GALNT13: variants seen among roughly 807,000 people sequenced by gnomAD.
GALNT13 encodes UDP-GalNAc:polypeptide N-acetylgalactosaminyltransferase 13.
Under a neutral mutation model 64.2 loss-of-function variants are expected in GALNT13, and 28 were observed. The ratio of observed to expected loss-of-function variants is 0.44; its 90% confidence interval spans 0.32 to 0.60. The LOEUF (loss-of-function observed/expected upper bound fraction) is 0.60, where lower values mean the gene tolerates loss of function less well. Among genes scored for constraint, GALNT13 ranks in the 20% least tolerant of loss-of-function variants. GALNT13 has a pLI of 0.05. For synonymous variants in GALNT13, 214 were observed against 224.6 expected (o/e 0.95, Z 0.42); for missense variants, 577 against 669.8 (o/e 0.86, Z 1.53).
chr2:154,154,060 A>C (rs1449319736), intron 4 of GALNT13, among the ~76,000 whole-genome samples: 1 of 152,242 alleles, frequency 6.6e-6, no homozygotes, highest in Non-Finnish European at 1.5e-5. Flanking sequence ...AGCTGTTCCT[A>C]TTCGGCCATC....
the GALNT13 span, among the ~76,000 whole-genome samples, chr2:153,454,296 A>T: frequency 1.1e-4 from 16 of 152,206 alleles, no homozygotes; most frequent in Admixed American, 9.8e-4. Flanking sequence ...ACTGTCTTAT[A>T]GTCTTAACTT....
chr2:154,290,776 C>A (rs966302815), intron 8 of GALNT13, among the ~76,000 whole-genome samples: 6 of 152,080 alleles, frequency 3.9e-5, no homozygotes, highest in Admixed American at 3.3e-4. Flanking sequence ...GGAGTTTATT[C>A]CTTCTGATGT....
intron 4 of GALNT13, among the ~76,000 whole-genome samples, chr2:154,168,186 T>C (rs770051892): frequency 6.6e-6 from 1 of 152,038 alleles, no homozygotes; most frequent in Non-Finnish European, 1.5e-5. Flanking sequence ...GAGAGATTTA[T>C]TTTAAGGAAT....
intron 8 of GALNT13, among the ~76,000 whole-genome samples, chr2:154,270,694 ATT>A (rs1559059753): frequency 3.6e-4 from 55 of 152,058 alleles, no homozygotes; most frequent in African/African-American, 1.3e-3. Context: ...AGTAAATAAA[ATT>A]GCACTGAACC....
At chr2:153,972,895 C>T in intron 3 of GALNT13, among the ~76,000 whole-genome samples, 1 of 151,970 alleles carries the variant, frequency 6.6e-6, no homozygotes. Flanking sequence ...AGTTAGTAAT[C>T]CTGTGACAAA....
At chr2:153,811,958 A>G in the GALNT13 span, among the ~76,000 whole-genome samples, 1 of 152,150 alleles carries the variant, frequency 6.6e-6, no homozygotes, top group Non-Finnish European at 1.5e-5. Context: ...AAAGTACATT[A>G]CTCTTACTGA....
the GALNT13 span, among the ~76,000 whole-genome samples, chr2:153,699,995 G>A: frequency 6.6e-6 from 1 of 152,094 alleles, no homozygotes; most frequent in Non-Finnish European, 1.5e-5. Context: ...ATTTTATGAG[G>A]CCAGCATCAT....
At chr2:154,241,895 T>C (rs2105869584) in intron 4 of GALNT13, 135 bp from the exon 5 acceptor site, 1 of 495,378 alleles carries the variant, frequency 2.0e-6, no homozygotes, top group East Asian at 3.2e-5. Flanking sequence ...AGGGAAATGA[T>C]TTTAGATATT....
At chr2:153,457,446 T>C in the GALNT13 span, among the ~76,000 whole-genome samples, 1 of 152,218 alleles carries the variant, frequency 6.6e-6, no homozygotes, top group Non-Finnish European at 1.5e-5. Flanking sequence ...ATGATCAATA[T>C]ATAAGGTTGC....
intron 4 of GALNT13, among the ~76,000 whole-genome samples, chr2:154,153,940 G>C (rs573523883): frequency 1.2e-4 from 18 of 152,300 alleles, no homozygotes; most frequent in African/African-American, 4.1e-4. Context: ...TGCACCCACT[G>C]TCCTGCGTCC....
chr2:153,349,645 GC>G, the GALNT13 span, among the ~76,000 whole-genome samples: 1 of 152,134 alleles, frequency 6.6e-6, no homozygotes, highest in Admixed American at 6.5e-5. Context: ...CTTGTATACT[GC>G]CAATGTGGAA....
At chr2:153,657,414 C>G in the GALNT13 span, among the ~76,000 whole-genome samples, 1 of 152,062 alleles carries the variant, frequency 6.6e-6, no homozygotes, top group Non-Finnish European at 1.5e-5. Flanking sequence ...GTGTGACAGG[C>G]ATGGTACTTA....
intron 3 of GALNT13, among the ~76,000 whole-genome samples, chr2:154,004,820 T>G (rs1022029409): frequency 6.6e-6 from 1 of 152,168 alleles, no homozygotes; most frequent in Non-Finnish European, 1.5e-5. Flanking sequence ...AGAATGAATC[T>G]TTACACAATG....
chr2:153,358,377 C>A, the GALNT13 span, among the ~76,000 whole-genome samples: 5 of 152,162 alleles, frequency 3.3e-5, no homozygotes, highest in South Asian at 1.0e-3. Flanking sequence ...TATCACTCCA[C>A]CACTTAGAGT....
chr2:154,244,358 G>T (rs1286870521), intron 6 of GALNT13, among the ~76,000 whole-genome samples: 1 of 152,090 alleles, frequency 6.6e-6, no homozygotes, highest in African/African-American at 2.4e-5. Flanking sequence ...GAAAAATGTT[G>T]ATTTTTCTGG....
At chr2:154,022,640 A>G (rs1427264433) in intron 3 of GALNT13, among the ~76,000 whole-genome samples, 1 of 152,086 alleles carries the variant, frequency 6.6e-6, no homozygotes, top group African/African-American at 2.4e-5. Context: ...TCTGTTCAAA[A>G]AACCAGCTCC....
At chr2:153,474,482 C>CTTGA in the GALNT13 span, among the ~76,000 whole-genome samples, 1 of 152,182 alleles carries the variant, frequency 6.6e-6, no homozygotes, top group Non-Finnish European at 1.5e-5. Flanking sequence ...TGATCTCAGA[C>CTTGA]TTGACAGAGT....
chr2:153,445,492 C>T, the GALNT13 span, among the ~76,000 whole-genome samples: 1 of 152,094 alleles, frequency 6.6e-6, no homozygotes, highest in South Asian at 2.1e-4. Flanking sequence ...ATCCTCCTGC[C>T]TCAGCCTCCA....
the GALNT13 span, among the ~76,000 whole-genome samples, chr2:153,503,289 C>T: frequency 4.5e-4 from 68 of 152,260 alleles, no homozygotes; most frequent in African/African-American, 1.6e-3. Context: ...GTTTCATTCT[C>T]CTGCAGTGGA....
Sources: gnomAD v4.1 joint callset for allele counts (sites outside exome capture counted in the v4.1 genomes callset) on GRCh38, gnomAD v4.1.1 for gene constraint, MANE v1.5 for transcripts, NCBI Gene and HGNC (gene_info 2026-07-23, HGNC 2026-07-21) for gene names.